CRYL1: variants seen among roughly 807,000 people sequenced by gnomAD.
CRYL1 encodes the protein crystallin lambda 1.
CRYL1 carries 29 observed loss-of-function variants against 36.6 expected under a neutral mutation model. The observed-to-expected ratio is 0.79, with a 90% CI of 0.59 to 1.08. The LOEUF (loss-of-function observed/expected upper bound fraction) is 1.08. Among genes scored for constraint, CRYL1 ranks in the 50% least tolerant of loss-of-function variants. CRYL1 has a pLI of 0.00. For synonymous variants in CRYL1, 152 were observed against 151.5 expected (o/e 1.00, Z -0.02); for missense variants, 411 against 407.9 (o/e 1.01, Z -0.06).
chr13:20,427,348 C>A lies in CRYL1; in HGVS notation c.633+4754G>T, dbSNP rs944124130. The A allele has an allele frequency of 5.7e-5, 56 of 984,042 alleles. No homozygotes were observed. The African/African-American group carries it at 9.4e-4, about 17-fold the overall frequency. The allele number at this position is 984,042 out of a possible 1,614,324, so 61.0% of individuals were successfully genotyped here. On this transcript the variant is annotated intron_variant, in intron 5 of 7. Transcript: ENST00000298248. ...CGGAGTGAACATCTGTGAGATGGCA[C>A]AATAGACCTGGCTCCTTCACTCCCT...
intron 3 of CRYL1, among the ~76,000 whole-genome samples, chr13:20,457,755 C>G (rs1222465688): frequency 5.3e-5 from 8 of 152,220 alleles, no homozygotes; most frequent in Non-Finnish European, 1.0e-4. Flanking sequence ...CTGTGGCCCA[C>G]TTTGCTGGGC....
At chr13:20,504,467 C>T (rs2033759140) in intron 2 of CRYL1, among the ~76,000 whole-genome samples, 1 of 151,932 alleles carries the variant, frequency 6.6e-6, no homozygotes, top group Admixed American at 6.6e-5. Context: ...TCACGCCCAG[C>T]TGATTTTTTT....
At chr13:20,444,279 TTTTAATTAAATA>T (rs2032409444) in intron 3 of CRYL1, among the ~76,000 whole-genome samples, 1 of 152,194 alleles carries the variant, frequency 6.6e-6, no homozygotes, top group Non-Finnish European at 1.5e-5. Context: ...AGGGTTTAAT[TTTTAATTAAATA>T]AAAGCATATT....
intron 2 of CRYL1, among the ~76,000 whole-genome samples, chr13:20,505,583 G>A (rs2033782102): frequency 6.6e-6 from 1 of 152,082 alleles, no homozygotes; most frequent in African/African-American, 2.4e-5. Context: ...GCTTATTTCT[G>A]CGTCCATAAT....
chr13:20,452,974 T>C (rs1032053090), intron 3 of CRYL1, among the ~76,000 whole-genome samples: 2 of 152,246 alleles, frequency 1.3e-5, no homozygotes, highest in Admixed American at 6.5e-5. Context: ...AATTTCATAA[T>C]GTAAAAACAG....
At chr13:20,440,678 T>C (rs998578257) in intron 3 of CRYL1, among the ~76,000 whole-genome samples, 1 of 152,190 alleles carries the variant, frequency 6.6e-6, no homozygotes, top group African/African-American at 2.4e-5. Flanking sequence ...TAAGGAAAAA[T>C]CTCATCCTCG....
rs939352659 is a variant in CRYL1 at position 20,525,422 on chromosome 13, T to C, written c.41+332A>G. On this transcript the variant is annotated intron_variant, in intron 1 of 7. Transcript: ENST00000298248. The surrounding 1 kb of genome is among the most constrained non-coding windows in gnomAD (Gnocchi z 4.3). ...CAACACGGTGCCTGGCACTTCTATG[T>C]GGACCTGCGGGCAGACGCGGCGACA... Among the ~76,000 whole-genome samples the C allele has an allele frequency of 6.6e-6, 1 of 152,208 alleles. No individual in the cohort carries two copies. The highest frequency in any genetic ancestry group is 1.5e-5 in the Non-Finnish European group (1 of 68,028).
At chr13:20,486,091 T>G (rs2033393144) in intron 3 of CRYL1, among the ~76,000 whole-genome samples, 1 of 131,398 alleles carries the variant, frequency 7.6e-6, no homozygotes, top group Admixed American at 7.7e-5. Flanking sequence ...GCTAAGTTTT[T>G]GTATTTTCAG....
chr13:20,414,573 T>C (rs1003373349), intron 5 of CRYL1, among the ~76,000 whole-genome samples: 3 of 152,210 alleles, frequency 2.0e-5, no homozygotes, highest in African/African-American at 7.2e-5. Flanking sequence ...CCGGCCTTGT[T>C]CAGCTTTTAA....
At chr13:20,486,530 C>T (rs9506497) in intron 3 of CRYL1, among the ~76,000 whole-genome samples, 89,298 of 150,342 alleles carry the variant, frequency 0.59, 29,535 homozygotes, top group South Asian at 0.78. Context: ...TAAACCTTCC[C>T]GAAGCCTCCC....
chr13:20,451,988 A>G lies in CRYL1; in HGVS notation c.277-12234T>C, dbSNP rs11843583. On this transcript the variant is annotated intron_variant, in intron 3 of 7. Coordinates refer to ENST00000298248, the MANE Select transcript of CRYL1 (RefSeq NM_015974.3). ...AGAAAATCACATCATTTACAGAAAC[A>G]TGGCTGCAGCTGGAGGCCACTATCC... Among the ~76,000 whole-genome samples the G allele has an allele frequency of 5.1e-3, 782 of 152,260 alleles. 8 individuals are homozygous for G. The highest frequency in any genetic ancestry group is 0.018 in the African/African-American group (732 of 41,550).
intron 2 of CRYL1, among the ~76,000 whole-genome samples, chr13:20,510,330 A>G (rs914780822): frequency 6.6e-6 from 1 of 152,234 alleles, no homozygotes; most frequent in African/African-American, 2.4e-5. Context: ...ATTCAAGCTC[A>G]AGCCATGAAA....
At chr13:20,522,835 T>C (rs1165937617) in intron 1 of CRYL1, among the ~76,000 whole-genome samples, 2 of 150,814 alleles carry the variant, frequency 1.3e-5, no homozygotes, top group African/African-American at 4.9e-5. Context: ...CAGTGTTTTA[T>C]AAAGGTAAGG....
At chr13:20,432,749 G>A (rs757595598) in intron 4 of CRYL1, among the ~76,000 whole-genome samples, 5 of 152,108 alleles carry the variant, frequency 3.3e-5, no homozygotes, top group Non-Finnish European at 5.9e-5. Context: ...TGGGTGCGGT[G>A]GCTCACACCT....
At chr13:20,429,972 G>A (rs2032019585) in intron 5 of CRYL1, among the ~76,000 whole-genome samples, 2 of 152,158 alleles carry the variant, frequency 1.3e-5, no homozygotes. Context: ...TGATGGTCAA[G>A]GTCAGCACCA....
chr13:20,508,901 A>T (rs1406230643), intron 2 of CRYL1, among the ~76,000 whole-genome samples: 1 of 140,232 alleles, frequency 7.1e-6, no homozygotes, highest in Non-Finnish European at 1.5e-5. Context: ...GACAACAACA[A>T]CATTTTGGGC....
At position 20,417,603 on chromosome 13, in the gene CRYL1, C is replaced by A. The variant is rs140094547; in HGVS notation, c.634-4216G>T. Among the ~76,000 whole-genome samples, 228 of 152,280 alleles carry A rather than the reference C, an allele frequency of 1.5e-3. 1 individual carries two copies. Among genetic ancestry groups the A allele is most frequent in the African/African-American group, 5.1e-3 (210 of 41,550 alleles). On this transcript the variant is annotated intron_variant, in intron 5 of 7. Transcript: ENST00000298248. ...GTTAGTTCAAAACATGGTTTCGCGT[C>A]CTGAAAATCATTGGGCAAAGAGATC...
At chr13:20,428,218 C>T (rs1278868988) in intron 5 of CRYL1, among the ~76,000 whole-genome samples, 2 of 152,162 alleles carry the variant, frequency 1.3e-5, no homozygotes, top group Admixed American at 1.3e-4. Flanking sequence ...CCCCAAAGTG[C>T]TCCAAAATCT....
At chr13:20,506,250 G>A (rs1436780486) in intron 2 of CRYL1, among the ~76,000 whole-genome samples, 1 of 152,120 alleles carries the variant, frequency 6.6e-6, no homozygotes, top group Non-Finnish European at 1.5e-5. Context: ...AACCAGTTCT[G>A]CATATTTAAC....
Sources: gnomAD v4.1 joint callset for allele counts (sites outside exome capture counted in the v4.1 genomes callset) on GRCh38, gnomAD v4.1.1 for gene constraint, Gnocchi (gnomAD v3.1) non-coding constraint, MANE v1.5 for transcripts, NCBI Gene and HGNC (gene_info 2026-07-23, HGNC 2026-07-21) for gene names.